Variants in KDM4C observed in about 807,000 individuals in gnomAD.
The protein encoded by KDM4C is lysine-specific demethylase 4C.
A neutral mutation model predicts 129.3 loss-of-function variants in KDM4C; 81 were observed. That is an observed-to-expected ratio of 0.63 (90% confidence interval 0.52 to 0.75). The LOEUF (loss-of-function observed/expected upper bound fraction) is 0.75. Ranked by LOEUF, KDM4C falls within the 30% of genes least tolerant of loss-of-function variation. The probability of loss-of-function intolerance (pLI) is 0.00; values close to 1 mark genes in which losing one functional copy is unlikely to be tolerated. For missense variants in KDM4C, 1,457 were observed against 1,304.0 expected, an observed-to-expected ratio of 1.12 and a Z score of -1.81; for synonymous variants, 573 against 456.1, an observed-to-expected ratio of 1.26 and a Z score of -3.26.
chr9:7,093,138 C>G (rs1835998183), intron 17 of KDM4C, among the ~76,000 whole-genome samples: 1 of 152,026 alleles, frequency 6.6e-6, no homozygotes, highest in Non-Finnish European at 1.5e-5. Context: ...GGTGGTGTTA[C>G]TTCCATGAAG....
chr9:6,801,297 G>T (rs1453597566), intron 2 of KDM4C, among the ~76,000 whole-genome samples: 2 of 134,254 alleles, frequency 1.5e-5, no homozygotes, highest in African/African-American at 2.9e-5. Flanking sequence ...TCTGTCCCCA[G>T]GCTGGAGTGC....
chr9:7,072,443 A>G (rs1182937122), intron 17 of KDM4C, among the ~76,000 whole-genome samples: 1 of 152,214 alleles, frequency 6.6e-6, no homozygotes, highest in Non-Finnish European at 1.5e-5. Flanking sequence ...ACTCAGCACT[A>G]AAAAGGAACA....
intron 12 of KDM4C, among the ~76,000 whole-genome samples, chr9:6,991,547 CCTT>C (rs1405569911): frequency 1.3e-5 from 2 of 152,188 alleles, no homozygotes; most frequent in East Asian, 3.9e-4. Flanking sequence ...TGTTAAGAGT[CCTT>C]CTCTGAAGTA....
intron 1 of KDM4C, among the ~76,000 whole-genome samples, chr9:6,791,609 T>G (rs1485766957): frequency 6.6e-6 from 1 of 152,224 alleles, no homozygotes. Context: ...AAACTAACGA[T>G]TTTTAACATT....
intron 1 of KDM4C, among the ~76,000 whole-genome samples, chr9:6,742,257 G>C (rs752316889): frequency 6.6e-6 from 1 of 150,788 alleles, no homozygotes; most frequent in Non-Finnish European, 1.5e-5. Flanking sequence ...CTCGTCATCC[G>C]CCCGCCTTGG....
chr9:7,044,315 T>C (rs766413730), intron 15 of KDM4C, among the ~76,000 whole-genome samples: 3 of 151,924 alleles, frequency 2.0e-5, no homozygotes, highest in Non-Finnish European at 4.4e-5. Context: ...GTCCTTGAGG[T>C]GTCTAAACAC....
intron 17 of KDM4C, among the ~76,000 whole-genome samples, chr9:7,101,893 G>A (rs1045290869): frequency 2.1e-4 from 32 of 152,102 alleles, no homozygotes; most frequent in African/African-American, 6.0e-4. Flanking sequence ...GAAAATGCCC[G>A]GGGCTCCTGA....
intron 8 of KDM4C, among the ~76,000 whole-genome samples, chr9:6,916,212 G>T (rs1333125600): frequency 1.4e-5 from 2 of 147,704 alleles, no homozygotes; most frequent in Admixed American, 6.8e-5. Context: ...GGGCTATGAA[G>T]TGTCTTGAAA....
chr9:7,085,919 G>T (rs2132986223), intron 17 of KDM4C, among the ~76,000 whole-genome samples: 1 of 152,238 alleles, frequency 6.6e-6, no homozygotes, highest in Admixed American at 6.5e-5. Flanking sequence ...ACTTTGGGAG[G>T]CCGAGGCAGG....
At chr9:7,165,771 C>T (rs778528346) in intron 20 of KDM4C, among the ~76,000 whole-genome samples, 3 of 152,174 alleles carry the variant, frequency 2.0e-5, no homozygotes, top group Non-Finnish European at 2.9e-5. Flanking sequence ...TCTCCCCACT[C>T]CCCGCTATCT....
chr9:6,994,413 C>G (rs926442621), intron 12 of KDM4C, among the ~76,000 whole-genome samples: 2 of 152,180 alleles, frequency 1.3e-5, no homozygotes, highest in African/African-American at 4.8e-5. Context: ...TCACCACTCA[C>G]CTCTCCTCTT....
chr9:7,109,487 A>G (rs2133202996), intron 18 of KDM4C, among the ~76,000 whole-genome samples: 1 of 152,274 alleles, frequency 6.6e-6, no homozygotes, highest in Middle Eastern at 3.4e-3. Flanking sequence ...TTCCAACAGG[A>G]TTTTTATTTG....
At chr9:6,781,902 G>A (rs1588224361) in intron 1 of KDM4C, among the ~76,000 whole-genome samples, 1 of 150,822 alleles carries the variant, frequency 6.6e-6, no homozygotes, top group East Asian at 2.0e-4. Context: ...CGGCTCACCT[G>A]CAGTCTCAGC....
At chr9:6,834,879 T>C in intron 4 of KDM4C, 3 of 1,302,684 alleles carry the variant, frequency 2.3e-6, no homozygotes, top group Non-Finnish European at 3.3e-6. Context: ...GTGCTGTCCC[T>C]GTACTTCTTT....
intron 17 of KDM4C, chr9:7,076,651 G>A: frequency 7.6e-6 from 10 of 1,309,016 alleles, no homozygotes; most frequent in Non-Finnish European, 9.7e-6. Context: ...TTTCCCTTTT[G>A]TATCTGTCAT....
chr9:6,863,811 A>G (rs1454664295), intron 5 of KDM4C, among the ~76,000 whole-genome samples: 92 of 147,688 alleles, frequency 6.2e-4, no homozygotes, highest in African/African-American at 1.1e-3. Context: ...AAAAAAAAAA[A>G]AGAGAGAGAG....
At chr9:6,939,673 G>T (rs1208967588) in intron 8 of KDM4C, among the ~76,000 whole-genome samples, 1 of 152,104 alleles carries the variant, frequency 6.6e-6, no homozygotes, top group Non-Finnish European at 1.5e-5. Flanking sequence ...ACTTTAGAAT[G>T]GATATTTTAA....
At chr9:7,128,770 C>CTG (rs111822868) in intron 19 of KDM4C, among the ~76,000 whole-genome samples, 47 of 151,590 alleles carry the variant, frequency 3.1e-4, no homozygotes, top group East Asian at 1.4e-3. Flanking sequence ...GACTAGAACT[C>CTG]TGTGTGTGTG....
chr9:6,775,235 T>G (rs1822752992), intron 1 of KDM4C, among the ~76,000 whole-genome samples: 1 of 152,106 alleles, frequency 6.6e-6, no homozygotes, highest in Non-Finnish European at 1.5e-5. Flanking sequence ...CAGGCTGGTC[T>G]TGAACTCCTC....
Sources: allele counts gnomAD v4.1 joint callset (sites outside exome capture counted in the v4.1 genomes callset), GRCh38; gene constraint gnomAD v4.1.1; transcripts MANE v1.5; gene names NCBI Gene and HGNC (gene_info 2026-07-23, HGNC 2026-07-21).